ADAMTSL1: variants seen among roughly 807,000 people sequenced by gnomAD.
ADAMTSL1 encodes ADAMTS like 1.
A neutral mutation model predicts 201.8 loss-of-function variants in ADAMTSL1; 126 were observed. The observed-to-expected ratio is 0.62, with a 90% CI of 0.54 to 0.72. The LOEUF is 0.72. Ranked by LOEUF, ADAMTSL1 falls within the 30% of genes least tolerant of loss-of-function variation. ADAMTSL1 has a pLI of 0.00. For synonymous variants in ADAMTSL1, 1,121 were observed against 903.4 expected (o/e 1.24, Z -4.32); for missense variants, 2,679 against 2,277.8 (o/e 1.18, Z -3.59).
chr9:18,611,608 T>C (rs1005197973), intron 4 of ADAMTSL1, among the ~76,000 whole-genome samples: 8 of 152,162 alleles, frequency 5.3e-5, no homozygotes, highest in African/African-American at 1.9e-4. Flanking sequence ...CTGAAGAGTT[T>C]TAATAAACGT....
At chr9:18,055,428 T>C (rs1225825241) in intron 1 of ADAMTSL1, among the ~76,000 whole-genome samples, 2 of 152,186 alleles carry the variant, frequency 1.3e-5, no homozygotes, top group East Asian at 1.9e-4. Context: ...CCTTGTCCTT[T>C]TGTGCATTAA....
intron 1 of ADAMTSL1, among the ~76,000 whole-genome samples, chr9:18,481,577 A>G (rs189948499): frequency 8.6e-5 from 13 of 151,774 alleles, no homozygotes; most frequent in South Asian, 4.2e-4. Flanking sequence ...ATTATTTTCA[A>G]TTTCCCCACA....
intron 19 of ADAMTSL1, among the ~76,000 whole-genome samples, chr9:18,779,703 A>G (rs1821273084): frequency 6.6e-6 from 1 of 152,200 alleles, no homozygotes; most frequent in African/African-American, 2.4e-5. Flanking sequence ...ACATGGTTGG[A>G]AAGATTTCAG....
chr9:18,534,364 TATAAGA>T (rs1819626173), intron 3 of ADAMTSL1, among the ~76,000 whole-genome samples: 1 of 151,948 alleles, frequency 6.6e-6, no homozygotes, highest in African/African-American at 2.4e-5. Flanking sequence ...CCCTGTCTCT[TATAAGA>T]AAGAAGAAGA....
chr9:18,750,316 G>A (rs1202427854), intron 15 of ADAMTSL1, among the ~76,000 whole-genome samples: 1 of 152,046 alleles, frequency 6.6e-6, no homozygotes, highest in Non-Finnish European at 1.5e-5. Context: ...GGTAACCAAT[G>A]TTCTGGCTCC....
At chr9:17,965,562 C>G (rs1817950152) in intron 1 of ADAMTSL1, among the ~76,000 whole-genome samples, 1 of 152,130 alleles carries the variant, frequency 6.6e-6, no homozygotes, top group African/African-American at 2.4e-5. Flanking sequence ...TCATTAGAGA[C>G]AAACCAAACC....
At chr9:17,923,203 T>A (rs1415453533) in intron 1 of ADAMTSL1, among the ~76,000 whole-genome samples, 1 of 151,374 alleles carries the variant, frequency 6.6e-6, no homozygotes, top group African/African-American at 2.4e-5. Flanking sequence ...TTGATGGGGA[T>A]GGCATTGAAT....
chr9:17,917,311 G>T (rs910356675), intron 1 of ADAMTSL1, among the ~76,000 whole-genome samples: 1 of 152,100 alleles, frequency 6.6e-6, no homozygotes, highest in African/African-American at 2.4e-5. Flanking sequence ...GGTATGAACA[G>T]ATATCCTTGT....
intron 2 of ADAMTSL1, among the ~76,000 whole-genome samples, chr9:18,365,106 A>C (rs549805037): frequency 6.6e-6 from 1 of 152,320 alleles, no homozygotes; most frequent in Admixed American, 6.5e-5. Context: ...GATAATGTAC[A>C]AGAATATTCA....
Position 18,034,261 on chromosome 9 carries a change from C to T in ADAMTSL1, c.87+127339C>T, listed in dbSNP as rs569092938. Among the ~76,000 whole-genome samples the T allele has an allele frequency of 4.6e-5, 7 of 152,196 alleles. No individual in the cohort carries two copies. The South Asian group carries it at 1.5e-3, about 32-fold the overall frequency. On this transcript the variant is annotated intron_variant, in intron 1 of 29. Transcript: ENST00000680146. ...TTTCCCACCACTTGTCCATCATTTC[C>T]TGGGCCTTCTTTAGCTTGGCATCTG...
intron 1 of ADAMTSL1, among the ~76,000 whole-genome samples, chr9:17,951,469 A>G (rs1265403273): frequency 6.6e-6 from 1 of 152,086 alleles, no homozygotes; most frequent in Admixed American, 6.6e-5. Flanking sequence ...CCACATTCTA[A>G]CCATGCTATT....
At position 17,975,129 on chromosome 9, in the gene ADAMTSL1, T is replaced by A. The variant is rs545396956; in HGVS notation, c.87+68207T>A. ...ACAGAAAGTCGTGATGTCAAGCATC[T>A]TTTTATGTATTTGTATGGCCATTTC... On this transcript the variant is annotated intron_variant, in intron 1 of 29. Coordinates refer to the ADAMTSL1 transcript ENST00000680146. 2.6e-5 allele frequency among the ~76,000 whole-genome samples: 4 copies of A among 152,200 alleles called. No homozygotes were observed. In the South Asian group the frequency reaches 8.3e-4, roughly 32 times the overall value.
At chr9:18,839,779 T>A (rs1825591653) in intron 23 of ADAMTSL1, among the ~76,000 whole-genome samples, 1 of 152,066 alleles carries the variant, frequency 6.6e-6, no homozygotes. Context: ...ATTTCTCTGA[T>A]GGCCAGTGAT....
At position 18,140,461 on chromosome 9, in the gene ADAMTSL1, G is replaced by C. The variant is rs559869223; in HGVS notation, c.88-23401G>C. 1.1e-4 allele frequency among the ~76,000 whole-genome samples: 17 copies of C among 152,306 alleles called. No homozygotes were observed. The South Asian group carries it at 2.7e-3, about 24-fold the overall frequency. ...CAATGGAGTCAGTACTGAATGAGCTGACTTTCTCCAGCAACAAGTTGGACA... is the reference window on the plus strand; with the variant it reads ...CAATGGAGTCAGTACTGAATGAGCTCACTTTCTCCAGCAACAAGTTGGACA... On this transcript the variant is annotated intron_variant, in intron 1 of 29. Transcript: ENST00000680146.
intron 2 of ADAMTSL1, among the ~76,000 whole-genome samples, chr9:18,298,299 CG>C (rs1025148668): frequency 3.3e-5 from 5 of 152,062 alleles, no homozygotes; most frequent in Admixed American, 2.0e-4. Flanking sequence ...TAAAGATATA[CG>C]GCCCATGAGT....
At chr9:18,703,553 A>T (rs1056422870) in intron 13 of ADAMTSL1, among the ~76,000 whole-genome samples, 6 of 151,792 alleles carry the variant, frequency 4.0e-5, no homozygotes, top group Non-Finnish European at 7.4e-5. Context: ...TGAAGACCTA[A>T]GGATAGTGGA....
At chr9:18,181,967 G>A (rs1828500297) in intron 2 of ADAMTSL1, among the ~76,000 whole-genome samples, 1 of 152,134 alleles carries the variant, frequency 6.6e-6, no homozygotes, top group South Asian at 2.1e-4. Context: ...ATAAAAAAAT[G>A]ATGAGTTCAT....
chr9:18,045,928 G>C (rs1821641095), intron 1 of ADAMTSL1, among the ~76,000 whole-genome samples: 2 of 152,142 alleles, frequency 1.3e-5, no homozygotes, highest in Non-Finnish European at 2.9e-5. Flanking sequence ...TAGACAGAGG[G>C]AGACAGAAAG....
At chr9:18,557,844 C>CT (rs1821196940) in intron 3 of ADAMTSL1, among the ~76,000 whole-genome samples, 1 of 151,834 alleles carries the variant, frequency 6.6e-6, no homozygotes, top group Admixed American at 6.6e-5. Flanking sequence ...TCTCACTTGT[C>CT]TTTTTTTTCT....
Sources: allele counts gnomAD v4.1 joint callset (sites outside exome capture counted in the v4.1 genomes callset), GRCh38; gene constraint gnomAD v4.1.1; transcripts MANE v1.5; gene names NCBI Gene and HGNC (gene_info 2026-07-23, HGNC 2026-07-21).